The following TAFA5 variants were observed in gnomAD, a reference collection of about 807,000 sequenced individuals.
TAFA5 encodes chemokine-like protein TAFA-5.
Under a neutral mutation model 15.3 loss-of-function variants are expected in TAFA5, and 6 were observed. The observed-to-expected ratio is 0.39, with a 90% CI of 0.21 to 0.77. TAFA5 has a LOEUF of 0.77. Among genes scored for constraint, TAFA5 ranks in the 30% least tolerant of loss-of-function variants. TAFA5 has a pLI of 0.41. For missense variants in TAFA5, 161 were observed against 193.1 expected (o/e 0.83, Z 0.98); for synonymous variants, 103 against 80.7 (o/e 1.28, Z -1.48).
chr22:48,649,835 A>T (rs2147204957), intron 2 of TAFA5, among the ~76,000 whole-genome samples: 1 of 152,144 alleles, frequency 6.6e-6, no homozygotes, highest in South Asian at 2.1e-4. Flanking sequence ...TCTTCTCATT[A>T]CTTCCGCCCG....
At chr22:48,687,422 A>G (rs1601672415) in intron 2 of TAFA5, among the ~76,000 whole-genome samples, 1 of 129,492 alleles carries the variant, frequency 7.7e-6, no homozygotes, top group Admixed American at 8.1e-5. Flanking sequence ...GGGTGGGTAG[A>G]TAGATGGATG....
chr22:48,576,878 CTGCCCCACTGG>C (rs1923830142), intron 1 of TAFA5, among the ~76,000 whole-genome samples: 1 of 151,928 alleles, frequency 6.6e-6, no homozygotes, highest in Non-Finnish European at 1.5e-5. Context: ...TTCCCATCCC[CTGCCCCACTGG>C]GCTCGGTGGC....
At chr22:48,592,512 C>G (rs532025182) in intron 1 of TAFA5, among the ~76,000 whole-genome samples, 27 of 152,344 alleles carry the variant, frequency 1.8e-4, no homozygotes, top group Non-Finnish European at 2.9e-5. Flanking sequence ...AGGTCTCTTC[C>G]CCCTCCTGCT....
rs769652900 is a variant in TAFA5, at chr22:48,544,700, G to T, written c.112+54996G>T. The T allele has an allele frequency of 6.8e-5, 32 of 471,308 alleles. No individual in the cohort carries two copies. The East Asian group carries it at 2.1e-3, about 31-fold the overall frequency. The allele number at this position is 471,308 out of a possible 1,614,324, so 29.2% of individuals were successfully genotyped here. Reference sequence around the variant, plus strand: ...GGACTTGCTGTGTCCCTGCGTGCCCGCAGATGAGGGTGCATGTTGGTCTCA... The same window carrying T: ...GGACTTGCTGTGTCCCTGCGTGCCCTCAGATGAGGGTGCATGTTGGTCTCA... On this transcript the variant is annotated intron_variant, in intron 1 of 3. Coordinates refer to ENST00000402357, the MANE Select transcript of TAFA5 (RefSeq NM_001082967.3).
chr22:48,658,003 C>T (rs9617414), intron 2 of TAFA5, among the ~76,000 whole-genome samples: 118 of 152,322 alleles, frequency 7.7e-4, no homozygotes, highest in East Asian at 1.3e-3. Context: ...GAATAATCAG[C>T]GTCTACAAGA....
At chr22:48,702,993 T>A (rs1321739882) in intron 2 of TAFA5, among the ~76,000 whole-genome samples, 1 of 152,242 alleles carries the variant, frequency 6.6e-6, no homozygotes, top group East Asian at 1.9e-4. Flanking sequence ...CCCTTTGTTC[T>A]GCAAATGCTG....
chr22:48,600,087 A>G (rs1924908593), intron 1 of TAFA5, among the ~76,000 whole-genome samples: 1 of 152,124 alleles, frequency 6.6e-6, no homozygotes, highest in African/African-American at 2.4e-5. Flanking sequence ...TCAAAATAAA[A>G]CAGCGGTGGA....
At chr22:48,584,342 ACACCACACACACCGTG>A (rs1429163737) in intron 1 of TAFA5, among the ~76,000 whole-genome samples, 1 of 150,566 alleles carries the variant, frequency 6.6e-6, no homozygotes, top group Non-Finnish European at 1.5e-5. Flanking sequence ...GATATCACAC[ACACCACACACACCGTG>A]CACCACACAC....
chr22:48,505,470 C>G (rs954033985), intron 1 of TAFA5, among the ~76,000 whole-genome samples: 1 of 152,186 alleles, frequency 6.6e-6, no homozygotes, highest in Non-Finnish European at 1.5e-5. Flanking sequence ...TCTGTCTTAC[C>G]TGAGTGTGCC....
At chr22:48,556,428 G>A (rs1318603991) in intron 1 of TAFA5, among the ~76,000 whole-genome samples, 1 of 152,264 alleles carries the variant, frequency 6.6e-6, no homozygotes, top group East Asian at 1.9e-4. Context: ...AGGAGCTGCA[G>A]CTTACACACA....
intron 1 of TAFA5, among the ~76,000 whole-genome samples, chr22:48,592,893 G>A (rs1458060994): frequency 6.6e-6 from 1 of 152,190 alleles, no homozygotes; most frequent in African/African-American, 2.4e-5. Flanking sequence ...GGGTCTCTCA[G>A]AAAGACACCT....
chr22:48,591,118 A>G (rs966860768), intron 1 of TAFA5, among the ~76,000 whole-genome samples: 4 of 152,112 alleles, frequency 2.6e-5, no homozygotes, highest in African/African-American at 9.7e-5. Flanking sequence ...TCCCAAAGTC[A>G]TGATTTGTTC....
intron 3 of TAFA5, among the ~76,000 whole-genome samples, chr22:48,718,698 G>C (rs757149285): frequency 2.0e-5 from 3 of 152,184 alleles, no homozygotes; most frequent in African/African-American, 4.8e-5. Context: ...AGGTCAACCA[G>C]GAATTCACGC....
Position 48,490,160 on chromosome 22 carries a change from G to T in TAFA5, c.112+456G>T, listed in dbSNP as rs1928094598. On this transcript the variant is annotated intron_variant, in intron 1 of 3. Coordinates refer to ENST00000402357, the MANE Select transcript of TAFA5 (RefSeq NM_001082967.3). This position sits in a 1 kb window ranked among gnomAD's most constrained non-coding sequence, Gnocchi z 5.8. ...AGGCGGCGGCCGAGCCCGGAGAGGAGCTCTTCAGGCAGGAGCCCAGCCTGG... is the reference window on the plus strand; with the variant it reads ...AGGCGGCGGCCGAGCCCGGAGAGGATCTCTTCAGGCAGGAGCCCAGCCTGG... 6.6e-6 allele frequency among the ~76,000 whole-genome samples: 1 copy of T among 152,136 alleles called. No homozygotes were observed. The highest frequency in any genetic ancestry group is 1.5e-5 in the Non-Finnish European group (1 of 68,002).
At chr22:48,541,117 C>G (rs781692678) in intron 1 of TAFA5, among the ~76,000 whole-genome samples, 4 of 152,130 alleles carry the variant, frequency 2.6e-5, no homozygotes, top group Non-Finnish European at 5.9e-5. Flanking sequence ...CAGCACTTCT[C>G]AAGACTTTGC....
At chr22:48,581,425 C>T (rs879859786) in intron 1 of TAFA5, among the ~76,000 whole-genome samples, 2 of 152,240 alleles carry the variant, frequency 1.3e-5, no homozygotes, top group African/African-American at 2.4e-5. Flanking sequence ...ATCAGTCTCC[C>T]ATGTTGCTGC....
chr22:48,655,273 G>A (rs1927195284), intron 2 of TAFA5, among the ~76,000 whole-genome samples: 1 of 152,236 alleles, frequency 6.6e-6, no homozygotes. Flanking sequence ...TGCGGGAAAA[G>A]CTTTTGTGTG....
intron 1 of TAFA5, among the ~76,000 whole-genome samples, chr22:48,633,498 C>G (rs1435288892): frequency 2.1e-5 from 1 of 47,152 alleles, no homozygotes. Flanking sequence ...TGCTCTGTGT[C>G]TGTCTGTCTG....
chr22:48,563,369 C>T (rs1923303722), intron 1 of TAFA5, among the ~76,000 whole-genome samples: 1 of 152,218 alleles, frequency 6.6e-6, no homozygotes, highest in Non-Finnish European at 1.5e-5. Flanking sequence ...GGCCGTTTCT[C>T]CCAGCTTCCG....
Sources: gnomAD v4.1 joint callset for allele counts (sites outside exome capture counted in the v4.1 genomes callset) on GRCh38, gnomAD v4.1.1 for gene constraint, Gnocchi (gnomAD v3.1) non-coding constraint, MANE v1.5 for transcripts, NCBI Gene and HGNC (gene_info 2026-07-23, HGNC 2026-07-21) for gene names.